Variants in SLC41A3 observed in about 807,000 individuals in gnomAD.
The protein encoded by SLC41A3 is solute carrier family 41 member 3.
A neutral mutation model predicts 45.4 loss-of-function variants in SLC41A3; 44 were observed. The observed-to-expected ratio is 0.97, with a 90% CI of 0.76 to 1.25. The LOEUF (loss-of-function observed/expected upper bound fraction) is 1.25, where lower values mean the gene tolerates loss of function less well. SLC41A3 is among the 50% of genes most tolerant of loss of function. The probability of loss-of-function intolerance (pLI) is 0.00; values close to 1 mark genes in which losing one functional copy is unlikely to be tolerated. For missense variants in SLC41A3, 550 were observed against 600.6 expected (o/e 0.92, Z 0.88); for synonymous variants, 256 against 252.4 (o/e 1.01, Z -0.13).
chr3:126,059,313 A>AAGAAAGAAAGAAAGAAAGGAAGGAT (rs1576331901), intron 2 of SLC41A3, among the ~76,000 whole-genome samples: 1 of 135,474 alleles, frequency 7.4e-6, no homozygotes, highest in South Asian at 2.4e-4. Context: ...AAAGAAAGGA[A>AAGAAAGAAAGAAAGAAAGGAAGGAT]GGATGATCTG....
In SLC41A3 at chr3:126,026,251, G is replaced by A; in HGVS notation, c.598+84C>T. The A allele has an allele frequency of 2.6e-6, 4 of 1,514,460 alleles. No homozygotes were observed. Among genetic ancestry groups the A allele is most frequent in the Non-Finnish European group, 3.6e-6 (4 of 1,126,262 alleles). 93.8% of individuals were successfully genotyped at this position (1,514,460 alleles called of 1,614,324 possible). A position where few individuals can be genotyped will look rare whatever the true frequency, so the allele number is the denominator to read the frequency against. ...ATTAGCAGTGGGACTCACACCCCCA[G>A]AAACTGAAAACACAATGAGCTCTGA... is the stretch of plus-strand genomic sequence containing the variant. On this transcript the variant is annotated intron_variant, in intron 5 of 10. Transcript: ENST00000360370. This position sits in a 1 kb window ranked among gnomAD's most constrained non-coding sequence, Gnocchi z 4.2.
chr3:126,071,323 G>GA (rs1944606120), intron 1 of SLC41A3, among the ~76,000 whole-genome samples: 1 of 152,124 alleles, frequency 6.6e-6, no homozygotes, highest in Non-Finnish European at 1.5e-5. Context: ...AAGGATATTT[G>GA]ATAATGATAA....
chr3:126,020,307 AG>A (rs200743009), intron 6 of SLC41A3, among the ~76,000 whole-genome samples: 193 of 151,838 alleles, frequency 1.3e-3, no homozygotes, highest in African/African-American at 4.3e-3. Context: ...CTGTGATGGG[AG>A]GGGGGGCCTC....
At chr3:126,031,317 T>C (rs1029990173) in intron 4 of SLC41A3, among the ~76,000 whole-genome samples, 3 of 152,252 alleles carry the variant, frequency 2.0e-5, no homozygotes, top group Non-Finnish European at 4.4e-5. Flanking sequence ...GAACTGTTCA[T>C]ACCCTTTGAA....
chr3:126,088,460 A>G (rs796937969), upstream of SLC41A3, among the ~76,000 whole-genome samples: 11 of 152,356 alleles, frequency 7.2e-5, no homozygotes, highest in African/African-American at 2.6e-4. Flanking sequence ...TTGAATTACT[A>G]AAAGTTAAAA....
Position 126,008,753 on chromosome 3 carries a change from G to T in SLC41A3, c.1233C>A (p.Tyr411Ter). The change falls in exon 10 of 11, where the codon TAC becomes TAA. Residue 411 changes from tyrosine (Y) to a stop codon, truncating the protein, a stop_gained. Coordinates refer to ENST00000360370, the MANE Select transcript of SLC41A3 (RefSeq NM_017836.4). LOFTEE classifies it low-confidence loss of function (END_TRUNC). ...TTACCTGGATCAGGCCTGCCAGCAGGTAGAGCACCACAAAGGTCTGGCTGT... is the reference window on the plus strand; with the variant it reads ...TTACCTGGATCAGGCCTGCCAGCAGTTAGAGCACCACAAAGGTCTGGCTGT... Reference protein sequence around the residue: ...VINSQTFVVLYLLAGLIQVTI... With the variant: ...VINSQTFVVL 1 of 1,614,004 alleles carries T rather than the reference G, an allele frequency of 6.2e-7. No individual in the cohort carries two copies. Among genetic ancestry groups the T allele is most frequent in the Non-Finnish European group, 8.5e-7 (1 of 1,179,916 alleles).
intron 9 of SLC41A3, 119 bp downstream of exon 9, chr3:126,012,496 G>T: frequency 7.5e-7 from 1 of 1,338,314 alleles, no homozygotes; most frequent in Non-Finnish European, 1.0e-6. Context: ...AAGGTGATGT[G>T]TGCCGAGATC....
At chr3:126,074,632 AG>A (rs1944789371) in intron 1 of SLC41A3, among the ~76,000 whole-genome samples, 2 of 151,914 alleles carry the variant, frequency 1.3e-5, no homozygotes, top group African/African-American at 4.8e-5. Flanking sequence ...CACGAAAGTC[AG>A]TTTTTTTGTT....
chr3:126,055,525 A>G lies in SLC41A3; in HGVS notation c.274-4475T>C, dbSNP rs554806074. 2.1e-4 allele frequency among the ~76,000 whole-genome samples: 32 copies of G among 152,242 alleles called. No individual in the cohort carries two copies. The South Asian group carries it at 6.7e-3, about 32-fold the overall frequency. On this transcript the variant is annotated intron_variant, in intron 2 of 10. Coordinates refer to ENST00000360370, the MANE Select transcript of SLC41A3 (RefSeq NM_017836.4). Reference sequence around the variant, plus strand: ...CAAGACTCTGTCTCAAAAAAACAAAAAGCAAAACTGCATACTATAAACCAT... The same window carrying G: ...CAAGACTCTGTCTCAAAAAAACAAAGAGCAAAACTGCATACTATAAACCAT...
intron 2 of SLC41A3, among the ~76,000 whole-genome samples, chr3:126,053,926 C>T (rs1483942137): frequency 6.6e-6 from 1 of 152,142 alleles, no homozygotes; most frequent in Non-Finnish European, 1.5e-5. Context: ...TTAAATTCTG[C>T]CACCGCCCTC....
At chr3:126,020,276 C>T (rs566645001) in intron 6 of SLC41A3, among the ~76,000 whole-genome samples, 4 of 152,188 alleles carry the variant, frequency 2.6e-5, no homozygotes, top group East Asian at 1.9e-4. Context: ...GAAACGATTC[C>T]GTCTTTCTAG....
At chr3:126,021,158 T>C (rs928195501) in intron 6 of SLC41A3, among the ~76,000 whole-genome samples, 4 of 152,190 alleles carry the variant, frequency 2.6e-5, no homozygotes, top group Admixed American at 1.3e-4. Context: ...CCTCCCAAAG[T>C]GCTGGGATTA....
chr3:126,028,793 A>T (rs986456132), intron 4 of SLC41A3, among the ~76,000 whole-genome samples: 1 of 152,258 alleles, frequency 6.6e-6, no homozygotes, highest in Non-Finnish European at 1.5e-5. Flanking sequence ...AGAGCTGCCC[A>T]AGGACTTGGG....
chr3:126,066,760 G>C (rs572373057), intron 2 of SLC41A3, among the ~76,000 whole-genome samples: 2 of 152,328 alleles, frequency 1.3e-5, no homozygotes, highest in Non-Finnish European at 2.9e-5. Flanking sequence ...TCTTTACCTT[G>C]AGTTGATAGC....
At chr3:126,079,075 A>G (rs1380967556) in intron 1 of SLC41A3, 1 of 152,234 alleles carries the variant, frequency 6.6e-6, no homozygotes, top group East Asian at 1.9e-4. Flanking sequence ...GGACAGGAAC[A>G]AAGAGAGGTG....
At chr3:126,014,549 G>A (rs532570318) in intron 8 of SLC41A3, among the ~76,000 whole-genome samples, 2 of 152,338 alleles carry the variant, frequency 1.3e-5, no homozygotes, top group South Asian at 2.1e-4. Flanking sequence ...TCACTCCAAC[G>A]TAATAAGCCC....
At chr3:126,019,999 C>T (rs1415188515) in intron 6 of SLC41A3, among the ~76,000 whole-genome samples, 1 of 152,122 alleles carries the variant, frequency 6.6e-6, no homozygotes, top group Admixed American at 6.5e-5. Flanking sequence ...AACAAGTCTT[C>T]GTCTGGGCCC....
chr3:126,035,236 G>A lies in SLC41A3; in HGVS notation c.382-1558C>T, dbSNP rs114397831. 4.1e-3 allele frequency among the ~76,000 whole-genome samples: 620 copies of A among 152,346 alleles called. 5 individuals carry two copies. The highest frequency in any genetic ancestry group is 0.014 in the African/African-American group (582 of 41,572). On this transcript the variant is annotated intron_variant, in intron 3 of 10. Transcript: ENST00000360370. ...CCAGAGCTGAGCTGTCCAAAAACTCGGAGGCTTGGGTTGTGGATGAGTCAT... is the reference window on the plus strand; with the variant it reads ...CCAGAGCTGAGCTGTCCAAAAACTCAGAGGCTTGGGTTGTGGATGAGTCAT...
intron 1 of SLC41A3, among the ~76,000 whole-genome samples, chr3:126,098,925 CTTT>C (rs57262035): frequency 0.2 from 21,970 of 108,284 alleles, 857 homozygotes; most frequent in Non-Finnish European, 0.24. Context: ...CATGACCTGG[CTTT>C]TTTTTTTTTT....
Sources: gnomAD v4.1 joint callset for allele counts (sites outside exome capture counted in the v4.1 genomes callset) on GRCh38, gnomAD v4.1.1 for gene constraint, Gnocchi (gnomAD v3.1) non-coding constraint, MANE v1.5 for transcripts, NCBI Gene and HGNC (gene_info 2026-07-23, HGNC 2026-07-21) for gene names.